Variants in GNG7 observed in about 807,000 individuals in gnomAD.
GNG7 encodes the protein G protein subunit gamma 7, also known as guanine nucleotide-binding protein G(I)/G(S)/G(O) subunit gamma-7.
GNG7 carries 1 observed loss-of-function variant against 4.0 expected under a neutral mutation model. The observed-to-expected ratio is 0.25, with a 90% CI of 0.09 to 1.18. The LOEUF (loss-of-function observed/expected upper bound fraction) is 1.18. Among genes scored for constraint, GNG7 ranks in the 50% most tolerant of loss-of-function variants. The probability of loss-of-function intolerance (pLI) is 0.50; values close to 1 mark genes in which losing one functional copy is unlikely to be tolerated. For missense variants in GNG7, 86 were observed against 91.9 expected (o/e 0.94, Z 0.26); for synonymous variants, 34 against 36.9 (o/e 0.92, Z 0.29).
chr19:2,700,986 C>T (rs1294644805), intron 1 of GNG7: 4 of 152,042 alleles, frequency 2.6e-5, no homozygotes, highest in African/African-American at 9.7e-5. Context: ...CCCTAGCAAC[C>T]CCCGCTCCCC....
chr19:2,696,620 G>A lies in GNG7; in HGVS notation c.-135+6026C>T, dbSNP rs8102213. Reference sequence around the variant, plus strand: ...CCGGCCTGTCCACGCACCGGAACACGACTCAGCCCTGAAAAGGGTCGAGGC... The same window carrying A: ...CCGGCCTGTCCACGCACCGGAACACAACTCAGCCCTGAAAAGGGTCGAGGC... On this transcript the variant is annotated intron_variant, in intron 1 of 4. Transcript: ENST00000382159. Among the ~76,000 whole-genome samples, 977 of 152,312 alleles carry A rather than the reference G, an allele frequency of 6.4e-3. 13 individuals carry two copies. The highest frequency in any genetic ancestry group is 0.022 in the African/African-American group (912 of 41,558).
chr19:2,622,147 T>G (rs1445676360), intron 2 of GNG7, among the ~76,000 whole-genome samples: 1 of 151,898 alleles, frequency 6.6e-6, no homozygotes, highest in Non-Finnish European at 1.5e-5. Context: ...TGGCGAGATC[T>G]CGGCTCACTG....
chr19:2,565,215 C>G (rs1035550085), intron 2 of GNG7, among the ~76,000 whole-genome samples: 3 of 149,972 alleles, frequency 2.0e-5, no homozygotes, highest in Admixed American at 2.0e-4. Flanking sequence ...CCTGCAGGCT[C>G]AAAAACCAAA....
chr19:2,640,661 C>CTGT (rs1378432295), intron 2 of GNG7, among the ~76,000 whole-genome samples: 1 of 152,102 alleles, frequency 6.6e-6, no homozygotes, highest in Non-Finnish European at 1.5e-5. Flanking sequence ...GGGTCTTGCC[C>CTGT]TGTTGCCCAG....
At chr19:2,648,251 C>T (rs1444178527) in intron 1 of GNG7, among the ~76,000 whole-genome samples, 1 of 151,758 alleles carries the variant, frequency 6.6e-6, no homozygotes, top group Non-Finnish European at 1.5e-5. Flanking sequence ...TAAAAATTAG[C>T]TGGGCATGGT....
At chr19:2,599,850 TC>T (rs934076659) in intron 2 of GNG7, among the ~76,000 whole-genome samples, 2 of 151,232 alleles carry the variant, frequency 1.3e-5, no homozygotes, top group African/African-American at 4.9e-5. Flanking sequence ...GGCAGGAGAA[TC>T]GCTTGAGCCC....
At position 2,551,608 on chromosome 19, in the gene GNG7, CA is replaced by C. The variant is rs1214308462; in HGVS notation, c.-38+3540del. Reference sequence around the variant, plus strand: ...AAATATGCATTTATAAATATATAAACAAATATATATTTATAAATATATAAAA... The same window carrying C: ...AAATATGCATTTATAAATATATAAACAATATATATTTATAAATATATAAAA... On this transcript the variant is annotated intron_variant, in intron 3 of 4. Transcript: ENST00000382159. 3.4e-5 allele frequency among the ~76,000 whole-genome samples: 5 copies of C among 147,180 alleles called. 1 individual carries two copies. Among genetic ancestry groups the C allele is most frequent in the African/African-American group, 4.9e-5 (2 of 40,578 alleles).
At chr19:2,629,831 G>A (rs971258939) in intron 2 of GNG7, among the ~76,000 whole-genome samples, 3 of 152,164 alleles carry the variant, frequency 2.0e-5, no homozygotes, top group Non-Finnish European at 4.4e-5. Context: ...AGGTGAAGCC[G>A]AGTCTGCATG....
chr19:2,702,273 G>A (rs1913421277), intron 1 of GNG7, among the ~76,000 whole-genome samples: 1 of 135,872 alleles, frequency 7.4e-6, no homozygotes, highest in Non-Finnish European at 1.5e-5. Flanking sequence ...AGCTGGCCCT[G>A]ATTTCTAAGT....
Position 2,689,837 on chromosome 19 carries a change from G to A in GNG7, c.-135+12809C>T, listed in dbSNP as rs553406584. On this transcript the variant is annotated intron_variant, in intron 1 of 4. Transcript: ENST00000382159. ...GCGAGATGGACTCGAGGGCCAACAC[G>A]CTTTTTCGGTAAGAGTCCAGATACC... 3.9e-5 allele frequency among the ~76,000 whole-genome samples: 6 copies of A among 152,080 alleles called. No individual in the cohort carries two copies. In the East Asian group the frequency reaches 9.7e-4, roughly 25 times the overall value.
intron 3 of GNG7, among the ~76,000 whole-genome samples, chr19:2,532,738 C>G (rs1978634476): frequency 1.3e-5 from 2 of 152,136 alleles, no homozygotes; most frequent in African/African-American, 4.8e-5. Flanking sequence ...TTAAAGTCAT[C>G]AAGAGAGACT....
chr19:2,696,371 AG>A (rs1472478963), intron 1 of GNG7, among the ~76,000 whole-genome samples: 6 of 151,908 alleles, frequency 3.9e-5, no homozygotes, highest in African/African-American at 1.4e-4. Flanking sequence ...AAAGAAAGAA[AG>A]GAAAGGAAGG....
chr19:2,645,894 C>T (rs1982651939), intron 2 of GNG7, among the ~76,000 whole-genome samples: 1 of 152,168 alleles, frequency 6.6e-6, no homozygotes. Flanking sequence ...GTGAAGGCTC[C>T]TTAAAACTCC....
chr19:2,619,227 G>C (rs1203204366), intron 2 of GNG7, among the ~76,000 whole-genome samples: 4 of 152,108 alleles, frequency 2.6e-5, no homozygotes, highest in Non-Finnish European at 5.9e-5. Context: ...CCTAAGCCAG[G>C]GGTTAGCTAA....
intron 3 of GNG7, among the ~76,000 whole-genome samples, chr19:2,540,337 G>T (rs1269336390): frequency 2.6e-5 from 4 of 151,626 alleles, no homozygotes; most frequent in African/African-American, 9.7e-5. Flanking sequence ...TTTTTGTAGA[G>T]ATGGGGGTCT....
chr19:2,657,355 AAAAAAAATAT>A (rs1983012466), intron 1 of GNG7, among the ~76,000 whole-genome samples: 2 of 19,156 alleles, frequency 1.0e-4, no homozygotes, highest in African/African-American at 2.4e-4. Context: ...AAAAAAAAAA[AAAAAAAATAT>A]ATATATATAT....
chr19:2,662,847 C>G (rs550934549), intron 1 of GNG7, among the ~76,000 whole-genome samples: 1 of 152,168 alleles, frequency 6.6e-6, no homozygotes, highest in Non-Finnish European at 1.5e-5. Context: ...GCCCTCTCAT[C>G]CTGCCTTGAT....
rs796899840 is a variant in GNG7, at chr19:2,633,487, G to GCACACACACACACA, written c.-78+12723_-78+12736dup. On this transcript the variant is annotated intron_variant, in intron 2 of 4. Transcript: ENST00000382159. This position sits in a 1 kb window ranked among gnomAD's most constrained non-coding sequence, Gnocchi z 5.9. Reference sequence around the variant, plus strand: ...TAGCAACAGGCGCGCGCGCGCGCGCGCACACACACACACACACACACACAC... The same window carrying GCACACACACACACA: ...TAGCAACAGGCGCGCGCGCGCGCGCGCACACACACACACACACACACACACACACACACACACAC... Among the ~76,000 whole-genome samples, 1 of 103,776 alleles carries GCACACACACACACA rather than the reference G, an allele frequency of 9.6e-6. No homozygotes were observed. The highest frequency in any genetic ancestry group is 3.9e-5 in the African/African-American group (1 of 25,476). 68.1% of individuals were successfully genotyped at this position (103,776 alleles called of 152,430 possible).
intron 3 of GNG7, among the ~76,000 whole-genome samples, chr19:2,524,944 G>A (rs1451272895): frequency 6.6e-6 from 1 of 152,108 alleles, no homozygotes; most frequent in Non-Finnish European, 1.5e-5. Context: ...GTGGATGCTT[G>A]GGCTGAGATG....
Sources: allele counts gnomAD v4.1 joint callset (sites outside exome capture counted in the v4.1 genomes callset), GRCh38; gene constraint gnomAD v4.1.1; non-coding constraint Gnocchi (gnomAD v3.1); transcripts MANE v1.5; gene names NCBI Gene and HGNC (gene_info 2026-07-23, HGNC 2026-07-21).